PHLPP2: variants seen among roughly 807,000 people sequenced by gnomAD.
PHLPP2 encodes PH domain and leucine rich repeat protein phosphatase 2.
PHLPP2 carries 66 observed loss-of-function variants against 124.9 expected under a neutral mutation model. That is an observed-to-expected ratio of 0.53 (90% confidence interval 0.43 to 0.65). PHLPP2 has a LOEUF of 0.65. Among genes scored for constraint, PHLPP2 ranks in the 30% least tolerant of loss-of-function variants. The probability of loss-of-function intolerance (pLI) is 0.00; values close to 1 mark genes in which losing one functional copy is unlikely to be tolerated. For missense variants in PHLPP2, 1,685 were observed against 1,600.4 expected (o/e 1.05, Z -0.90); for synonymous variants, 681 against 624.7 (o/e 1.09, Z -1.34).
At chr16:71,714,989 T>A in intron 1 of PHLPP2, 188 bp from the exon 2 acceptor site, 1 of 661,894 alleles carries the variant, frequency 1.5e-6, no homozygotes, top group South Asian at 2.2e-5. Flanking sequence ...TTTTCTTTAC[T>A]GCTGTCTGTG....
intron 12 of PHLPP2, chr16:71,666,081 C>T (rs1037365130): frequency 6.6e-6 from 1 of 152,066 alleles, no homozygotes; most frequent in African/African-American, 2.4e-5. Flanking sequence ...ATAATAAAAA[C>T]TAGTTTTCAG....
intron 6 of PHLPP2, among the ~76,000 whole-genome samples, chr16:71,680,764 T>G (rs1267186417): frequency 6.6e-6 from 1 of 152,258 alleles, no homozygotes; most frequent in African/African-American, 2.4e-5. Flanking sequence ...CCTTGATTAC[T>G]GATTATTCCT....
intron 4 of PHLPP2, among the ~76,000 whole-genome samples, chr16:71,687,589 T>C (rs927009794): frequency 6.6e-6 from 1 of 152,214 alleles, no homozygotes; most frequent in African/African-American, 2.4e-5. Flanking sequence ...TTTTTCTCAA[T>C]TCTTCTTGCC....
chr16:71,707,374 G>A (rs191742433), intron 2 of PHLPP2, among the ~76,000 whole-genome samples: 102 of 152,188 alleles, frequency 6.7e-4, no homozygotes, highest in African/African-American at 2.4e-3. Context: ...GAGTGTCTTT[G>A]TTATTCATGA....
intron 9 of PHLPP2, among the ~76,000 whole-genome samples, chr16:71,673,271 GA>G (rs2044910991): frequency 6.6e-6 from 1 of 152,168 alleles, no homozygotes; most frequent in South Asian, 2.1e-4. Context: ...CACCTTAGCA[GA>G]TACTACTGAA....
In PHLPP2 at chr16:71,655,285, G is replaced by A. The variant is rs768675120; in HGVS notation, c.2540C>T (p.Thr847Ile). ...DVLLEEVQQS[T>I]NDTVFMANTF... ...GTTAGCCATGAAAACTGTGTCATTA[G>A]TTGACTGCTGTACCTCTTCTAAAAG... The change falls in exon 17 of 19, where the codon ACT (threonine) becomes ATT (isoleucine). Residue 847 changes from threonine (T) to isoleucine (I), a missense_variant. Physicochemically the swap from Thr to Ile is moderately conservative, Grantham distance 89. Coordinates refer to ENST00000568954, the MANE Select transcript of PHLPP2 (RefSeq NM_015020.3). 2 of 1,613,946 alleles carry A rather than the reference G, an allele frequency of 1.2e-6. No homozygotes were observed. The highest frequency in any genetic ancestry group is 1.1e-5 in the South Asian group (1 of 91,070).
intron 2 of PHLPP2, among the ~76,000 whole-genome samples, chr16:71,704,956 C>G (rs1274601978): frequency 6.6e-6 from 1 of 152,106 alleles, no homozygotes; most frequent in Non-Finnish European, 1.5e-5. Flanking sequence ...AGAGACAGAT[C>G]TTCAAATGTT....
rs1466046027 is a variant in PHLPP2 at position 71,646,851 on chromosome 16, T to C, written c.*2039A>G. 5 of 152,242 alleles carry C rather than the reference T, an allele frequency of 3.3e-5. No individual in the cohort carries two copies. Among genetic ancestry groups the C allele is most frequent in the South Asian group, 2.1e-4 (1 of 4,826 alleles). 9.4% of individuals were successfully genotyped at this position (152,242 alleles called of 1,614,324 possible). On this transcript the variant is annotated 3_prime_UTR_variant, in exon 19 of 19. Transcript: ENST00000568954. The stretch of plus-strand genomic sequence containing the variant: ...AAATTCTCAATAGCTGACCAGTAGT[T>C]TGACAATCTGGGGACTCAAGTTCAG...
chr16:71,680,696 T>C (rs1229602519), intron 6 of PHLPP2, among the ~76,000 whole-genome samples: 24 of 152,202 alleles, frequency 1.6e-4, no homozygotes, highest in Admixed American at 1.4e-3. Context: ...GAATCCCTGG[T>C]ACCTCACTGT....
chr16:71,706,946 A>ATT (rs66510124), intron 2 of PHLPP2, among the ~76,000 whole-genome samples: 28 of 71,232 alleles, frequency 3.9e-4, no homozygotes, highest in East Asian at 9.5e-4. Flanking sequence ...AAGATACACC[A>ATT]TTTTTTTTTT....
chr16:71,667,969 C>G (rs909217317), intron 11 of PHLPP2, among the ~76,000 whole-genome samples: 1 of 152,170 alleles, frequency 6.6e-6, no homozygotes, highest in African/African-American at 2.4e-5. Flanking sequence ...CCGCCTTCAC[C>G]AAGCCCCACT....
At position 71,658,907 on chromosome 16, in the gene PHLPP2, C is replaced by G. The variant is rs1193963618; in HGVS notation, c.1986-92G>C. Reference sequence around the variant, plus strand: ...TACAGCAGCCACAGAGTACAGAAGGCCGACACGGTCCACTGCCAGATGACT... The same window carrying G: ...TACAGCAGCCACAGAGTACAGAAGGGCGACACGGTCCACTGCCAGATGACT... On this transcript the variant is annotated intron_variant, in intron 13 of 18. Transcript: ENST00000568954. 5.6e-6 allele frequency: 6 copies of G among 1,074,040 alleles called. No homozygotes were observed. The East Asian group carries it at 1.4e-4, about 25-fold the overall frequency. 66.5% of individuals were successfully genotyped at this position (1,074,040 alleles called of 1,614,324 possible). A position where few individuals can be genotyped will look rare whatever the true frequency, so the allele number is the denominator to read the frequency against.
intron 2 of PHLPP2, among the ~76,000 whole-genome samples, chr16:71,713,944 T>C (rs1236679373): frequency 6.8e-6 from 1 of 146,510 alleles, no homozygotes; most frequent in Non-Finnish European, 1.5e-5. Flanking sequence ...CAACAACTTT[T>C]CTTTTTTTTT....
At chr16:71,714,970 ATAACT>A (rs1258451616) in intron 1 of PHLPP2, 169 bp from the exon 2 acceptor site, 17 of 792,092 alleles carry the variant, frequency 2.1e-5, no homozygotes, top group Non-Finnish European at 3.3e-5. Context: ...AATAACTCAG[ATAACT>A]TAATTTTCTT....
chr16:71,723,785 C>T (rs956387350), intron 1 of PHLPP2: 16 of 1,317,554 alleles, frequency 1.2e-5, no homozygotes, highest in African/African-American at 4.7e-5. Flanking sequence ...GACCCGGATC[C>T]CTCCCGGCCG....
At chr16:71,698,094 GCCACAGCCTC>G (rs1360295355) in intron 3 of PHLPP2, among the ~76,000 whole-genome samples, 3 of 152,104 alleles carry the variant, frequency 2.0e-5, no homozygotes, top group Admixed American at 1.3e-4. Context: ...TGATCCGCCT[GCCACAGCCTC>G]CCAAAGTGCT....
At chr16:71,724,161 C>G (rs1466385438) in intron 1 of PHLPP2, 168 bp downstream of exon 1, 2 of 152,532 alleles carry the variant, frequency 1.3e-5, no homozygotes, top group African/African-American at 4.8e-5. Context: ...GACTAGAGCG[C>G]AAGGAGGGGT....
chr16:71,702,076 T>A (rs762143904), intron 3 of PHLPP2, among the ~76,000 whole-genome samples: 5 of 152,130 alleles, frequency 3.3e-5, no homozygotes, highest in Non-Finnish European at 5.9e-5. Context: ...CAAGTTTTTG[T>A]TTTTTTAACT....
rs1012752556 is a variant in PHLPP2 at position 71,678,596 on chromosome 16, T to C, written c.1268+159A>G. On this transcript the variant is annotated intron_variant, in intron 8 of 18. Coordinates refer to ENST00000568954, the MANE Select transcript of PHLPP2 (RefSeq NM_015020.3). ...TCAAGACTGCAGTGGGCCGAGATCG[T>C]GCCACTGTATGCCAGCTTGGGTGAC... 5.0e-6 allele frequency: 3 copies of C among 599,082 alleles called. No individual in the cohort carries two copies. The Admixed American group carries it at 8.9e-5, about 18-fold the overall frequency. 37.1% of individuals were successfully genotyped at this position (599,082 alleles called of 1,614,324 possible).
Sources: allele counts gnomAD v4.1 joint callset (sites outside exome capture counted in the v4.1 genomes callset), GRCh38; gene constraint gnomAD v4.1.1; transcripts MANE v1.5; gene names NCBI Gene and HGNC (gene_info 2026-07-23, HGNC 2026-07-21).